MYH7: variants seen among roughly 807,000 people sequenced by gnomAD.
MYH7 encodes myosin heavy chain 7, also known as myosin-7.
A neutral mutation model predicts 225.4 loss-of-function variants in MYH7; 129 were observed. The observed-to-expected ratio is 0.57, with a 90% CI of 0.50 to 0.66. The LOEUF (loss-of-function observed/expected upper bound fraction) is 0.66. MYH7 is among the 30% of genes least tolerant of loss of function. The probability of loss-of-function intolerance (pLI) is 0.00; values close to 1 mark genes in which losing one functional copy is unlikely to be tolerated. For missense variants in MYH7, 1,649 were observed against 2,517.0 expected (o/e 0.66, Z 7.38); for synonymous variants, 971 against 1,007.6 (o/e 0.96, Z 0.69).
In MYH7 at chr14:23,425,636, T is replaced by C. The variant is rs1892664070; in HGVS notation, c.2286+59A>G. On this transcript the variant is annotated intron_variant, in intron 20 of 39. Coordinates refer to ENST00000355349, the MANE Select transcript of MYH7 (RefSeq NM_000257.4). This position sits in a 1 kb window ranked among gnomAD's most constrained non-coding sequence, Gnocchi z 4.6. ...TAAGATGATTACAACAGGAAAAGCA[T>C]CAGAGGAGTCAATGGAAAAGAGATG... The C allele has an allele frequency of 6.2e-7, 1 of 1,612,604 alleles. No homozygotes were observed. The highest frequency in any genetic ancestry group is 1.3e-5 in the African/African-American group (1 of 74,880).
At position 23,416,906 on chromosome 14, in the gene MYH7, C is replaced by T. The variant is rs779315151; in HGVS notation, c.4606G>A (p.Glu1536Lys). Residue 1536 changes from glutamate (E) to lysine (K), a missense_variant, in exon 33 of 40, where the codon GAG becomes AAG. This residue lies in a region of MYH7 where 687 missense variants were observed against 913.8 expected (regional missense o/e 0.75). Coordinates refer to ENST00000355349, the MANE Select transcript of MYH7 (RefSeq NM_000257.4). ...LEKVRKQLEAEKMELQSALEE... is the reference protein window; with the variant it reads ...LEKVRKQLEAKKMELQSALEE... ...AGGGCTGACTGCAGCTCCATCTTCT[C>T]GGCCTCCAGCTGCTTTCGGACCTTC... is the stretch of plus-strand genomic sequence containing the variant. 18 of 1,614,126 alleles carry T rather than the reference C, an allele frequency of 1.1e-5. No homozygotes were observed. Among genetic ancestry groups the T allele is most frequent in the South Asian group, 7.7e-5 (7 of 91,092 alleles).
Position 23,412,970 on chromosome 14 carries a change from G to A in MYH7, c.5791-99C>T, listed in dbSNP as rs868800236. 4.7e-6 allele frequency: 6 copies of A among 1,286,094 alleles called. No homozygotes were observed. The South Asian group carries it at 7.2e-5, about 15-fold the overall frequency. The allele number at this position is 1,286,094 out of a possible 1,614,324, so 79.7% of individuals were successfully genotyped here. On this transcript the variant is annotated intron_variant, in intron 39 of 39. Coordinates refer to ENST00000355349, the MANE Select transcript of MYH7 (RefSeq NM_000257.4). ...GGTGAGAGGGGTCTGATGGTGGGGG[G>A]CCTGCTTTGTGGGCAGGTGGAAGCC...
In MYH7 at chr14:23,415,435, C is replaced by A. The variant is rs149509691; in HGVS notation, c.5229G>T (p.Glu1743Asp). ...CAGCATTCCTGCACTCCTGCACTGC[C>A]TCCTCCACTTCAGTCTGGAGCTGGG... ...DLSQLQTEVE[E>D]AVQECRNAEE... Residue 1743 changes from glutamate to aspartate, a missense_variant, in exon 36 of 40, where the codon GAG becomes GAT. Physicochemically the swap from Glu to Asp is conservative, Grantham distance 45. Coordinates refer to ENST00000355349, the MANE Select transcript of MYH7 (RefSeq NM_000257.4). This position sits in a 1 kb window ranked among gnomAD's most constrained non-coding sequence, Gnocchi z 6.3. 26 of 1,614,122 alleles carry A rather than the reference C, an allele frequency of 1.6e-5. No homozygotes were observed. The highest frequency in any genetic ancestry group is 2.0e-5 in the Non-Finnish European group (24 of 1,180,054).
intron 27 of MYH7, 113 bp downstream of exon 27, chr14:23,419,732 C>T (rs1017102768): frequency 1.6e-5 from 25 of 1,612,234 alleles, no homozygotes; most frequent in Non-Finnish European, 2.1e-5. Context: ...GATCTGAGAA[C>T]CAGGCAGAGG....
chr14:23,425,088 C>A lies in MYH7; in HGVS notation c.2424-64G>T. On this transcript the variant is annotated intron_variant, in intron 21 of 39. Coordinates refer to ENST00000355349, the MANE Select transcript of MYH7 (RefSeq NM_000257.4). The surrounding 1 kb of genome is among the most constrained non-coding windows in gnomAD (Gnocchi z 4.6). ...CTCCTTCCTACCTGAGGTCCTGAAA[C>A]CTTGGGAATATCCCATTTCCTTCAT... is the stretch of plus-strand genomic sequence containing the variant. The A allele has an allele frequency of 9.3e-6, 15 of 1,613,184 alleles. No homozygotes were observed. Among genetic ancestry groups the A allele is most frequent in the African/African-American group, 1.3e-5 (1 of 75,026 alleles).
chr14:23,433,524 A>T lies in MYH7; in HGVS notation c.201+8T>A, dbSNP rs1423323663. 10 of 1,613,212 alleles carry T rather than the reference A, an allele frequency of 6.2e-6. No individual in the cohort carries two copies. Among genetic ancestry groups the T allele is most frequent in the Non-Finnish European group, 8.5e-6 (10 of 1,179,912 alleles). On this transcript the variant is annotated splice_region_variant and intron_variant, in intron 3 of 39. Transcript: ENST00000355349. This position sits in a 1 kb window ranked among gnomAD's most constrained non-coding sequence, Gnocchi z 4.1. ...CAGGGTGGACTCTCACATCAGCCTG[A>T]CACCCACCTTGCCATACTCGGTCTC...
rs529657543 is a variant in MYH7 at position 23,417,252 on chromosome 14, C to A, written c.4420G>T (p.Ala1474Ser). 5 of 1,614,182 alleles carry A rather than the reference C, an allele frequency of 3.1e-6. No individual in the cohort carries two copies. The highest frequency in any genetic ancestry group is 2.2e-5 in the South Asian group (2 of 91,090). Residue 1474 changes from alanine to serine, a missense_variant, in exon 32 of 40, where the codon GCT (alanine) becomes TCT (serine). Coordinates refer to ENST00000355349, the MANE Select transcript of MYH7 (RefSeq NM_000257.4). Reference protein sequence around the residue: ...QSELESSQKEARSLSTELFKL... With the variant: ...QSELESSQKESRSLSTELFKL... The stretch of plus-strand genomic sequence containing the variant: ...AAGAGCTCTGTGCTGAGGGAGCGAG[C>A]CTCCTTCTGCGAGGACTCCAGCTCC...
rs766156556 is a variant in MYH7, at chr14:23,415,306, A to C, written c.5284-36T>G. 1.2e-6 allele frequency: 2 copies of C among 1,614,200 alleles called. No individual in the cohort carries two copies. Among genetic ancestry groups the C allele is most frequent in the South Asian group, 2.2e-5 (2 of 91,080 alleles). On this transcript the variant is annotated intron_variant, in intron 36 of 39. Transcript: ENST00000355349. This position sits in a 1 kb window ranked among gnomAD's most constrained non-coding sequence, Gnocchi z 6.3. ...GAGAGAGGTGGCACATGGTCTGGTC[A>C]AGTCCTCACACACTTGCTGCCCAGC...
At position 23,416,097 on chromosome 14, in the gene MYH7, T is replaced by C. The variant is rs1595073316; in HGVS notation, c.4860A>G (p.Gly1620=). 1 of 1,614,212 alleles carries C rather than the reference T, an allele frequency of 6.2e-7. No homozygotes were observed. Reference sequence around the variant, plus strand: ...GCTGGATCTCCATCTCATTGAGGTCTCCTTCCATCTTCTTCTTCACCCTCA... The same window carrying C: ...GCTGGATCTCCATCTCATTGAGGTCCCCTTCCATCTTCTTCTTCACCCTCA... The part of the protein sequence containing the change: ...EALRVKKKME[G]DLNEMEIQLS... Residue 1620 remains glycine (G), a synonymous_variant, in exon 34 of 40, where the codon GGA becomes GGG. Coordinates refer to ENST00000355349, the MANE Select transcript of MYH7 (RefSeq NM_000257.4).
rs730880915 is a variant in MYH7 at position 23,415,721 on chromosome 14, G to C, written c.5065C>G (p.Arg1689Gly). 2 of 1,614,126 alleles carry C rather than the reference G, an allele frequency of 1.2e-6. No individual in the cohort carries two copies. Among genetic ancestry groups the C allele is most frequent in the Non-Finnish European group, 1.7e-6 (2 of 1,180,028 alleles). ...CGCTCTGTCTGCTCCACCACGGCAC[G>C]CAACTCCTCCAGCTCAGCCTGCAGC... ...NLLQAELEEL[R>G]AVVEQTERSR... The change falls in exon 35 of 40, where the codon CGT (arginine) becomes GGT (glycine). Residue 1689 changes from arginine (R) to glycine (G), a missense_variant. Coordinates refer to ENST00000355349, the MANE Select transcript of MYH7 (RefSeq NM_000257.4). The surrounding 1 kb of genome is among the most constrained non-coding windows in gnomAD (Gnocchi z 6.3).
rs776639582 is a variant in MYH7, at chr14:23,415,732, A to T, written c.5054T>A (p.Leu1685Gln). The T allele has an allele frequency of 1.2e-6, 2 of 1,614,172 alleles. No individual in the cohort carries two copies. Among genetic ancestry groups the T allele is most frequent in the South Asian group, 2.2e-5 (2 of 91,078 alleles). The change falls in exon 35 of 40, where the codon CTG becomes CAG. Residue 1685 changes from leucine to glutamine, a missense_variant. Physicochemically the swap from Leu to Gln is moderately radical, Grantham distance 113. This residue lies in a region of MYH7 where 687 missense variants were observed against 913.8 expected (regional missense o/e 0.75). Coordinates refer to ENST00000355349, the MANE Select transcript of MYH7 (RefSeq NM_000257.4). The surrounding 1 kb of genome is among the most constrained non-coding windows in gnomAD (Gnocchi z 6.3). ...ERRNNLLQAE[L>Q]EELRAVVEQT... is the part of the protein sequence containing the mutation. ...CTCCACCACGGCACGCAACTCCTCC[A>T]GCTCAGCCTGCAGCAGGTTGTTGCG...
rs1595089639 is a variant in MYH7, at chr14:23,431,778, CCTT to C, written c.619_621del (p.Lys207del). On this transcript the variant is annotated inframe_deletion, in exon 7 of 40. Transcript: ENST00000355349. ...AGGCCTACCTTGCCCGGGCTCTGGT[CCTT>C]CTTGCTGCGGTCCCCAATGGCTGCA... 6.2e-7 allele frequency: 1 copy of C among 1,614,270 alleles called. No homozygotes were observed. Among genetic ancestry groups the C allele is most frequent in the Non-Finnish European group, 8.5e-7 (1 of 1,180,050 alleles).
intron 22 of MYH7, among the ~76,000 whole-genome samples, chr14:23,424,393 C>T (rs181453721): frequency 1.3e-5 from 2 of 152,284 alleles, no homozygotes; most frequent in Admixed American, 6.5e-5. Context: ...CTGGTCTCCT[C>T]CATCGAAGGG....
chr14:23,428,986 A>G lies in MYH7; in HGVS notation c.1376T>C (p.Val459Ala). Residue 459 changes from valine to alanine, a missense_variant, in exon 14 of 40, where the codon GTC (valine) becomes GCC (alanine). By Grantham distance (64) the Val-to-Ala change is moderately conservative. This residue lies in a region of MYH7 where 76 missense variants were observed against 233.8 expected (regional missense o/e 0.33). Coordinates refer to ENST00000355349, the MANE Select transcript of MYH7 (RefSeq NM_000257.4). The part of the protein sequence containing the change: ...TKQPRQYFIG[V>A]LDIAGFEIFD... ...GATCTCGAAGCCAGCGATGTCCAGG[A>G]CTCCTATGAAGTACTGGCGTGGCTG... 6.2e-7 allele frequency: 1 copy of G among 1,613,738 alleles called. No individual in the cohort carries two copies. Among genetic ancestry groups the G allele is most frequent in the East Asian group, 2.2e-5 (1 of 44,844 alleles).
In MYH7 at chr14:23,429,828, A is replaced by G. The variant is rs1210839181; in HGVS notation, c.1085T>C (p.Met362Thr). The change falls in exon 12 of 40, where the codon ATG becomes ACG. Residue 362 changes from methionine (M) to threonine (T), a missense_variant. Met to Thr is a moderately conservative substitution (Grantham distance 81). Around this residue, in one of 12 missense-constraint regions of MYH7, gnomAD observed 131 missense variants for 231.3 expected, o/e 0.57. Transcript: ENST00000355349. Reference protein sequence around the residue: ...LTGAIMHFGNMKFKLKQREEQ... With the variant: ...LTGAIMHFGNTKFKLKQREEQ... ...CTCCCGCTGCTTCAGCTTGAACTTC[A>G]TGTTTCCAAAGTGCATGATGGCGCC... 2 of 1,613,756 alleles carry G rather than the reference A, an allele frequency of 1.2e-6. No homozygotes were observed. Among genetic ancestry groups the G allele is most frequent in the East Asian group, 2.2e-5 (1 of 44,844 alleles).
chr14:23,434,312 C>T, intron 1 of MYH7, 63 bp from the exon 2 acceptor site: 2 of 975,342 alleles, frequency 2.1e-6, no homozygotes, highest in South Asian at 4.6e-5. Context: ...TCCCACCTTC[C>T]TGCTTCTCCC....
At chr14:23,429,412 A>G in intron 12 of MYH7, 65 bp from the exon 13 acceptor site, 1 of 1,484,610 alleles carries the variant, frequency 6.7e-7, no homozygotes, top group Non-Finnish European at 9.4e-7. Context: ...GTGGTGGTTC[A>G]TGCCTGTAAT....
rs754969990 is a variant in MYH7 at position 23,423,731 on chromosome 14, C to T, written c.2923-8G>A. 2 of 1,614,080 alleles carry T rather than the reference C, an allele frequency of 1.2e-6. No individual in the cohort carries two copies. The highest frequency in any genetic ancestry group is 3.3e-5 in the Admixed American group (2 of 60,006). On this transcript the variant is annotated splice_polypyrimidine_tract_variant and splice_region_variant and intron_variant, in intron 23 of 39. Transcript: ENST00000355349. ...CTCTGTCAGGTTTTTCACCTGCCGA[C>T]CAAGAATCCCATCTCCTTTAGGGTC...
Position 23,417,013 on chromosome 14 carries a change from C to A in MYH7, c.4520-21G>T, listed in dbSNP as rs140523121. 9 of 1,614,224 alleles carry A rather than the reference C, an allele frequency of 5.6e-6. No individual in the cohort carries two copies. In the African/African-American group the frequency reaches 1.1e-4, roughly 19 times the overall value. On this transcript the variant is annotated intron_variant, in intron 32 of 39. Coordinates refer to ENST00000355349, the MANE Select transcript of MYH7 (RefSeq NM_000257.4). Reference sequence around the variant, plus strand: ...CTCCTCTGTGTGGGGAACACGGTAACTCGGTTGAGGGCTGCTGAGGTCCAG... The same window carrying A: ...CTCCTCTGTGTGGGGAACACGGTAAATCGGTTGAGGGCTGCTGAGGTCCAG...
Sources: allele counts gnomAD v4.1 joint callset (sites outside exome capture counted in the v4.1 genomes callset), GRCh38; gene constraint gnomAD v4.1.1; regional missense constraint gnomAD v4.1.1; non-coding constraint Gnocchi (gnomAD v3.1); transcripts MANE v1.5; gene names NCBI Gene and HGNC (gene_info 2026-07-23, HGNC 2026-07-21).